Variants in SAMMSON observed in about 807,000 individuals in gnomAD.
SAMMSON encodes the protein long intergenic non-protein coding RNA 1212.
chr3:70,310,975 A>C (rs897543626), intron 7 of SAMMSON, among the ~76,000 whole-genome samples: 1 of 152,166 alleles, frequency 6.6e-6, no homozygotes, highest in Non-Finnish European at 1.5e-5. Context: ...TAAATTAAGG[A>C]TAATAACTGC....
At chr3:70,181,184 A>G (rs1377632305) in intron 4 of SAMMSON, among the ~76,000 whole-genome samples, 1 of 152,192 alleles carries the variant, frequency 6.6e-6, no homozygotes, top group Non-Finnish European at 1.5e-5. Flanking sequence ...CCTCTCTGCA[A>G]TGGCCAAGTT....
intron 6 of SAMMSON, among the ~76,000 whole-genome samples, chr3:70,261,066 C>G (rs1288436782): frequency 6.6e-6 from 1 of 152,156 alleles, no homozygotes; most frequent in Non-Finnish European, 1.5e-5. Context: ...AATATAAGCA[C>G]TTCAACGTTT....
chr3:70,043,935 A>C (rs2067114679), intron 3 of SAMMSON, among the ~76,000 whole-genome samples: 1 of 152,086 alleles, frequency 6.6e-6, no homozygotes, highest in African/African-American at 2.4e-5. Context: ...CAAAAGTTAA[A>C]GTGAACAAAA....
chr3:70,081,848 A>C (rs2067269203), intron 4 of SAMMSON, among the ~76,000 whole-genome samples: 1 of 152,198 alleles, frequency 6.6e-6, no homozygotes, highest in Admixed American at 6.5e-5. Context: ...GGAATGTGAC[A>C]CCTAAAATTG....
intron 9 of SAMMSON, among the ~76,000 whole-genome samples, chr3:70,360,114 G>A (rs186708873): frequency 6.6e-6 from 1 of 152,110 alleles, no homozygotes; most frequent in East Asian, 1.9e-4. Context: ...GTCTATGTAA[G>A]AAATGAACAA....
At chr3:70,272,276 TTGCAA>T (rs1265704877) in intron 6 of SAMMSON, 1 of 149,674 alleles carries the variant, frequency 6.7e-6, no homozygotes, top group African/African-American at 2.5e-5. Context: ...TTACGCTCCT[TTGCAA>T]TCATCACACC....
chr3:70,268,357 C>T (rs1466605782), intron 6 of SAMMSON, among the ~76,000 whole-genome samples: 1 of 151,292 alleles, frequency 6.6e-6, no homozygotes, highest in Non-Finnish European at 1.5e-5. Flanking sequence ...CACCTGTAGT[C>T]GTAGCTACTT....
At chr3:70,432,929 A>G (rs7432792) in intron 2 of SAMMSON, among the ~76,000 whole-genome samples, 68,833 of 151,676 alleles carry the variant, frequency 0.45, 15,932 homozygotes, top group African/African-American at 0.53. Context: ...TAGTTTTTTC[A>G]GATTGACTTT....
chr3:70,233,586 AAAC>A (rs1315918363), intron 4 of SAMMSON, among the ~76,000 whole-genome samples: 1 of 152,174 alleles, frequency 6.6e-6, no homozygotes, highest in Non-Finnish European at 1.5e-5. Flanking sequence ...CCCACAATCA[AAAC>A]AACAAACATT....
chr3:70,279,083 G>A (rs1015012523), intron 6 of SAMMSON, among the ~76,000 whole-genome samples: 9 of 149,146 alleles, frequency 6.0e-5, no homozygotes, highest in African/African-American at 2.0e-4. Flanking sequence ...ATTTGCCCAA[G>A]CCTGACTTCC....
At chr3:70,247,942 T>A (rs919354159) in intron 4 of SAMMSON, among the ~76,000 whole-genome samples, 1 of 152,112 alleles carries the variant, frequency 6.6e-6, no homozygotes, top group Non-Finnish European at 1.5e-5. Flanking sequence ...ATGAGATCAA[T>A]CATTACATTC....
intron 4 of SAMMSON, among the ~76,000 whole-genome samples, chr3:70,170,290 G>T (rs983180222): frequency 6.6e-6 from 1 of 151,726 alleles, no homozygotes; most frequent in Non-Finnish European, 1.5e-5. Context: ...AATGAAACAG[G>T]TACTTTTGTC....
intron 2 of SAMMSON, among the ~76,000 whole-genome samples, chr3:70,423,322 A>G (rs1488859254): frequency 1.3e-5 from 2 of 152,140 alleles, no homozygotes; most frequent in African/African-American, 4.8e-5. Context: ...ATCAGGTAAA[A>G]TGTTGTAAGA....
intron 1 of SAMMSON, among the ~76,000 whole-genome samples, chr3:70,005,087 A>G (rs2066921152): frequency 6.6e-6 from 1 of 152,176 alleles, no homozygotes. Flanking sequence ...TGTTTCAGTA[A>G]GAGGAGATTT....
At chr3:70,098,042 T>C (rs2106652047) in intron 4 of SAMMSON, among the ~76,000 whole-genome samples, 1 of 152,344 alleles carries the variant, frequency 6.6e-6, no homozygotes, top group African/African-American at 2.4e-5. Context: ...TTGATATTAC[T>C]TTTGAATTAG....
At chr3:70,100,268 C>T (rs2106653565) in intron 4 of SAMMSON, among the ~76,000 whole-genome samples, 1 of 152,070 alleles carries the variant, frequency 6.6e-6, no homozygotes, top group South Asian at 2.1e-4. Context: ...CACCTCAGCC[C>T]TCTGAGTAAC....
intron 4 of SAMMSON, among the ~76,000 whole-genome samples, chr3:70,245,738 C>A (rs1162670426): frequency 8.0e-6 from 1 of 124,960 alleles, no homozygotes; most frequent in Non-Finnish European, 1.6e-5. Flanking sequence ...CAAAATAAAG[C>A]TCCCTGAGTT....
intron 4 of SAMMSON, among the ~76,000 whole-genome samples, chr3:70,119,710 T>G (rs2067425081): frequency 6.6e-6 from 1 of 152,098 alleles, no homozygotes; most frequent in Admixed American, 6.5e-5. Context: ...AGATTCCTCA[T>G]AGTGAGAAAA....
chr3:70,206,586 T>C (rs1701292690), intron 4 of SAMMSON: 2 of 397,710 alleles, frequency 5.0e-6, no homozygotes, highest in South Asian at 1.3e-4. Context: ...GTCTCTGTGA[T>C]GAACTGAAGT....
Sources: gnomAD v4.1 joint callset for allele counts (sites outside exome capture counted in the v4.1 genomes callset) on GRCh38, gnomAD v4.1.1 for gene constraint, MANE v1.5 for transcripts, NCBI Gene and HGNC (gene_info 2026-07-23, HGNC 2026-07-21) for gene names.